Variants in SLC38A8 observed in about 807,000 individuals in gnomAD.
SLC38A8 encodes amino acid transporter SLC38A8.
In SLC38A8, 65 loss-of-function variants were observed where a neutral mutation model predicts 46.0. The ratio of observed to expected loss-of-function variants is 1.41; its 90% CI spans 1.16 to 1.74. The LOEUF is 1.74. Among genes scored for constraint, SLC38A8 ranks in the 40% most tolerant of loss-of-function variants. The pLI is 0.00. For missense variants in SLC38A8, 998 were observed against 567.9 expected (o/e 1.76, Z -7.70); for synonymous variants, 447 against 243.7 (o/e 1.83, Z -7.77).
intron 7 of SLC38A8, among the ~76,000 whole-genome samples, chr16:84,020,875 C>T (rs1010058960): frequency 1.3e-5 from 2 of 152,178 alleles, no homozygotes; most frequent in African/African-American, 2.4e-5. Context: ...ACGCGCTGCA[C>T]TCTATACGGC....
intron 6 of SLC38A8, among the ~76,000 whole-genome samples, chr16:84,023,192 G>T (rs558253812): frequency 5.7e-4 from 86 of 151,916 alleles, no homozygotes; most frequent in African/African-American, 2.0e-3. Flanking sequence ...AACACCCACT[G>T]CCCCTTTCCC....
At chr16:84,018,125 G>A (rs909996740) in intron 7 of SLC38A8, among the ~76,000 whole-genome samples, 1 of 151,862 alleles carries the variant, frequency 6.6e-6, no homozygotes, top group Non-Finnish European at 1.5e-5. Flanking sequence ...AAGATTGAGT[G>A]CCCACACTGG....
At chr16:84,023,307 G>T (rs1487962964) in intron 6 of SLC38A8, among the ~76,000 whole-genome samples, 1 of 152,156 alleles carries the variant, frequency 6.6e-6, no homozygotes. Flanking sequence ...AAAGGGTACA[G>T]GAGCAGGACT....
In SLC38A8 at chr16:84,022,907, G is replaced by C; in HGVS notation, c.691-18C>G. ...TCGTGACACTGTAAGACAGAGGGCG[G>C]CTCAGCAGGATGCTGGCTTCCCCTG... On this transcript the variant is annotated intron_variant, in intron 6 of 10. Transcript: ENST00000299709. 1 of 1,550,024 alleles carries C rather than the reference G, an allele frequency of 6.5e-7. No individual in the cohort carries two copies. Among genetic ancestry groups the C allele is most frequent in the Non-Finnish European group, 8.7e-7 (1 of 1,150,006 alleles).
At chr16:84,017,739 G>C (rs540417667) in intron 7 of SLC38A8, among the ~76,000 whole-genome samples, 1 of 152,314 alleles carries the variant, frequency 6.6e-6, no homozygotes, top group African/African-American at 2.4e-5. Context: ...CGTGGACTGA[G>C]GACAAGAGCG....
In SLC38A8 at chr16:84,013,054, T is replaced by G. The variant is rs903298698; in HGVS notation, c.1163-2A>C. 1 of 1,613,300 alleles carries G rather than the reference T, an allele frequency of 6.2e-7. No individual in the cohort carries two copies. The highest frequency in any genetic ancestry group is 1.3e-5 in the African/African-American group (1 of 74,930). Reference sequence around the variant, plus strand: ...CCATTGCACAGATGAGGCACAAACCTGCAAAAAAGACAGGGTCACCCACAG... The same window carrying G: ...CCATTGCACAGATGAGGCACAAACCGGCAAAAAAGACAGGGTCACCCACAG... On this transcript the variant is annotated splice_acceptor_variant, in intron 9 of 10. Coordinates refer to ENST00000299709, the MANE Select transcript of SLC38A8 (RefSeq NM_001080442.3). LOFTEE classifies it high-confidence loss of function.
chr16:84,032,589 G>A (rs1335923313), intron 4 of SLC38A8, among the ~76,000 whole-genome samples: 2 of 152,222 alleles, frequency 1.3e-5, no homozygotes, highest in Non-Finnish European at 2.9e-5. Context: ...GATGCCTAAG[G>A]CAGGACGCCA....
At chr16:84,041,517 G>C (rs1318459297) in intron 2 of SLC38A8, among the ~76,000 whole-genome samples, 2 of 152,138 alleles carry the variant, frequency 1.3e-5, no homozygotes, top group Non-Finnish European at 1.5e-5. Context: ...TTCACCATAT[G>C]GGCCAGGCTG....
chr16:84,010,229 C>G (rs1036267900), intron 10 of SLC38A8, among the ~76,000 whole-genome samples: 4 of 151,976 alleles, frequency 2.6e-5, no homozygotes, highest in African/African-American at 7.3e-5. Context: ...CACGATGACA[C>G]GAGGCCAATT....
intron 4 of SLC38A8, among the ~76,000 whole-genome samples, 158 bp downstream of exon 4, chr16:84,033,170 T>G (rs1008499361): frequency 6.6e-6 from 1 of 152,236 alleles, no homozygotes; most frequent in Non-Finnish European, 1.5e-5. Flanking sequence ...ATGTTTTGCA[T>G]CATGCATACA....
rs774038975 is a variant in SLC38A8 at position 84,016,555 on chromosome 16, C to T, written c.1126G>A (p.Gly376Arg). The part of the protein sequence containing the change: ...PDLSEIVSII[G>R]GISSFFIFIF... The stretch of plus-strand genomic sequence containing the variant: ...AAGATGAAGAAGGAACTGATGCCTC[C>T]GATGATGCTGACGATCTCGCTGAGG... The change falls in exon 9 of 11, where the codon GGA (glycine) becomes AGA (arginine). Residue 376 changes from glycine (G) to arginine (R), a missense_variant. Coordinates refer to ENST00000299709, the MANE Select transcript of SLC38A8 (RefSeq NM_001080442.3). 18 of 1,613,954 alleles carry T rather than the reference C, an allele frequency of 1.1e-5. No individual in the cohort carries two copies. The highest frequency in any genetic ancestry group is 2.2e-5 in the South Asian group (2 of 91,074).
chr16:84,019,866 C>T (rs144358698), intron 7 of SLC38A8, among the ~76,000 whole-genome samples: 9 of 152,376 alleles, frequency 5.9e-5, no homozygotes, highest in South Asian at 2.1e-4. Flanking sequence ...GACACTCAAG[C>T]GTCAAGCTGG....
chr16:84,043,149 C>A (rs1356265418), upstream of SLC38A8, among the ~76,000 whole-genome samples: 1 of 152,196 alleles, frequency 6.6e-6, no homozygotes, highest in Non-Finnish European at 1.5e-5. Context: ...CGTCTCAGAG[C>A]TAATCCCATG....
chr16:84,039,925 A>G (rs7196363), intron 2 of SLC38A8: 120,603 of 152,040 alleles, frequency 0.79, 47,934 homozygotes, highest in East Asian at 0.9. Context: ...CCAAGAGGGG[A>G]TTTGCCCGTT....
intron 7 of SLC38A8, among the ~76,000 whole-genome samples, chr16:84,019,371 G>T (rs1289167775): frequency 6.6e-6 from 1 of 152,078 alleles, no homozygotes. Flanking sequence ...ACCGCACCCA[G>T]CCTCCAATAT....
chr16:84,015,921 C>T (rs975970191), intron 9 of SLC38A8, among the ~76,000 whole-genome samples: 5 of 152,184 alleles, frequency 3.3e-5, no homozygotes, highest in South Asian at 2.1e-4. Flanking sequence ...TCAGGTGATC[C>T]GCCTGCCTCG....
chr16:84,016,408 C>T (rs375375820), intron 9 of SLC38A8, 111 bp downstream of exon 9: 5 of 1,274,336 alleles, frequency 3.9e-6, no homozygotes, highest in Non-Finnish European at 2.2e-6. Flanking sequence ...CTTAATCCTA[C>T]CCATATGTGG....
intron 9 of SLC38A8, among the ~76,000 whole-genome samples, chr16:84,014,619 G>C (rs2085002992): frequency 6.6e-6 from 1 of 152,218 alleles, no homozygotes; most frequent in African/African-American, 2.4e-5. Flanking sequence ...TGAGAGCTCT[G>C]GGCAGAGCCA....
intron 8 of SLC38A8, 38 bp from the exon 9 acceptor site, chr16:84,016,765 A>G: frequency 3.3e-6 from 5 of 1,529,598 alleles, no homozygotes; most frequent in Non-Finnish European, 4.5e-6. Flanking sequence ...TGGGCATCTC[A>G]GGGGCACCAG....
Sources: gnomAD v4.1 joint callset for allele counts (sites outside exome capture counted in the v4.1 genomes callset) on GRCh38, gnomAD v4.1.1 for gene constraint, MANE v1.5 for transcripts, NCBI Gene and HGNC (gene_info 2026-07-23, HGNC 2026-07-21) for gene names.